DPP4: variants seen among roughly 807,000 people sequenced by gnomAD.
The protein encoded by DPP4 is dipeptidyl peptidase 4, also known as ADCP-2.
In DPP4, 93 loss-of-function variants were observed where a neutral mutation model predicts 122.4. The ratio of observed to expected loss-of-function variants is 0.76; its 90% CI spans 0.64 to 0.90. DPP4 has a LOEUF of 0.90. Among genes scored for constraint, DPP4 ranks in the 40% least tolerant of loss-of-function variants. The pLI, the probability that DPP4 is intolerant of heterozygous loss-of-function variation, is 0.00. For synonymous variants in DPP4, 321 were observed against 302.9 expected (o/e 1.06, Z -0.62); for missense variants, 914 against 907.3 (o/e 1.01, Z -0.09).
At chr2:162,033,430 G>A (rs190429727) in intron 10 of DPP4, 111 bp downstream of exon 10, 43 of 680,942 alleles carry the variant, frequency 6.3e-5, no homozygotes, top group African/African-American at 3.7e-4. Context: ...GACTGTCAGC[G>A]GGGATGACAC....
At chr2:162,045,369 T>G (rs757647432) in intron 5 of DPP4, among the ~76,000 whole-genome samples, 163 bp downstream of exon 5, 3 of 152,208 alleles carry the variant, frequency 2.0e-5, no homozygotes, top group Non-Finnish European at 2.9e-5. Context: ...AACACTGAAC[T>G]TGTCTTTAAG....
At chr2:162,043,119 CA>C (rs949263999) in intron 5 of DPP4, among the ~76,000 whole-genome samples, 34 of 152,164 alleles carry the variant, frequency 2.2e-4, no homozygotes, top group African/African-American at 8.2e-4. Flanking sequence ...ATGGAATCTC[CA>C]GGAGGCCCAC....
At chr2:162,020,395 A>G in intron 13 of DPP4, 99 bp from the exon 14 acceptor site, 1 of 1,157,380 alleles carries the variant, frequency 8.6e-7, no homozygotes, top group South Asian at 1.5e-5. Context: ...AGGAATTCAA[A>G]TAACCTTGGA....
intron 5 of DPP4, among the ~76,000 whole-genome samples, chr2:162,043,265 G>C (rs189986383): frequency 6.6e-6 from 1 of 152,296 alleles, no homozygotes; most frequent in South Asian, 2.1e-4. Context: ...AAGCGGGTAG[G>C]AGATGTGTTC....
intron 16 of DPP4, 127 bp from the exon 17 acceptor site, chr2:162,017,282 A>G: frequency 1.3e-6 from 1 of 769,120 alleles, no homozygotes; most frequent in Non-Finnish European, 2.1e-6. Context: ...ATTATAATGC[A>G]TAAGAAGTTT....
At chr2:162,062,931 C>G (rs1684829110) in intron 2 of DPP4, among the ~76,000 whole-genome samples, 1 of 151,850 alleles carries the variant, frequency 6.6e-6, no homozygotes, top group Non-Finnish European at 1.5e-5. Context: ...CCTTAGCATT[C>G]TGCCTACCAC....
At chr2:162,020,148 A>T in intron 14 of DPP4, 81 bp downstream of exon 14, 4 of 1,177,672 alleles carry the variant, frequency 3.4e-6, no homozygotes, top group Non-Finnish European at 4.9e-6. Context: ...TATTTGTAGG[A>T]GATTTTTTCC....
intron 18 of DPP4, among the ~76,000 whole-genome samples, chr2:162,016,012 T>G (rs1576040926): frequency 6.6e-6 from 1 of 152,214 alleles, no homozygotes; most frequent in East Asian, 1.9e-4. Context: ...ACATTCAGTT[T>G]GAGTAGCACT....
At chr2:162,005,850 A>C in intron 22 of DPP4, 41 bp from the exon 23 acceptor site, 1 of 1,543,176 alleles carries the variant, frequency 6.5e-7, no homozygotes, top group African/African-American at 1.4e-5. Context: ...TAATTCATAC[A>C]ATAACAACTT....
Position 162,039,184 on chromosome 2 carries a change from G to T in DPP4, c.367C>A (p.Gln123Lys). The change falls in exon 6 of 26, where the codon CAA becomes AAA. Residue 123 changes from glutamine to lysine, a missense_variant and splice_region_variant. Transcript: ENST00000360534. ...GAAGCTGTGTAGGAATGCCTCCATT[G>T]CTATGAAAGAAAACAGACATTTCAG... The part of the protein sequence containing the change: ...FILLEYNYVK[Q>K]WRHSYTASYD... 6.2e-7 allele frequency: 1 copy of T among 1,612,122 alleles called. No individual in the cohort carries two copies. Among genetic ancestry groups the T allele is most frequent in the Non-Finnish European group, 8.5e-7 (1 of 1,179,114 alleles).
chr2:162,059,340 C>G (rs765499525), intron 2 of DPP4, among the ~76,000 whole-genome samples: 2 of 152,090 alleles, frequency 1.3e-5, no homozygotes, highest in African/African-American at 4.8e-5. Flanking sequence ...CAAACTAATA[C>G]GTACAGGGCT....
At chr2:162,011,606 T>C (rs1682709432) in intron 20 of DPP4, among the ~76,000 whole-genome samples, 187 bp downstream of exon 20, 1 of 152,110 alleles carries the variant, frequency 6.6e-6, no homozygotes, top group African/African-American at 2.4e-5. Context: ...TTGAACTTCA[T>C]ATCAATCTAT....
chr2:162,017,989 G>A (rs1682984795), intron 16 of DPP4, among the ~76,000 whole-genome samples: 1 of 151,728 alleles, frequency 6.6e-6, no homozygotes, highest in African/African-American at 2.4e-5. Context: ...TGAATATAAA[G>A]CTTTTAGCAC....
chr2:162,022,819 A>G lies in DPP4; in HGVS notation c.1024-20T>C, dbSNP rs1319142337. On this transcript the variant is annotated intron_variant, in intron 11 of 25. Coordinates refer to ENST00000360534, the MANE Select transcript of DPP4 (RefSeq NM_001935.4). Reference sequence around the variant, plus strand: ...CCGTGCCTAGGAAGGGAAAGAGACAATGACAGCATTTCAAAGAGAAGTCAG... The same window carrying G: ...CCGTGCCTAGGAAGGGAAAGAGACAGTGACAGCATTTCAAAGAGAAGTCAG... 3 of 1,613,714 alleles carry G rather than the reference A, an allele frequency of 1.9e-6. No individual in the cohort carries two copies. The East Asian group carries it at 6.7e-5, about 36-fold the overall frequency.
At chr2:162,040,843 AG>A (rs1330557373) in intron 5 of DPP4, among the ~76,000 whole-genome samples, 2 of 151,926 alleles carry the variant, frequency 1.3e-5, no homozygotes, top group Non-Finnish European at 2.9e-5. Context: ...AAAGTGGGGG[AG>A]GGAGGATAAG....
intron 23 of DPP4, among the ~76,000 whole-genome samples, chr2:162,002,282 CAT>C (rs1701169232): frequency 6.6e-6 from 1 of 152,222 alleles, no homozygotes. Flanking sequence ...GATTTAACGA[CAT>C]GTGCTTCTCT....
chr2:162,031,019 C>T (rs554628794), intron 10 of DPP4, among the ~76,000 whole-genome samples: 1 of 152,204 alleles, frequency 6.6e-6, no homozygotes, highest in Non-Finnish European at 1.5e-5. Context: ...GGAAAGACTT[C>T]GTCTCTTTGG....
chr2:162,020,417 G>T, intron 13 of DPP4, 121 bp from the exon 14 acceptor site: 1 of 1,079,548 alleles, frequency 9.3e-7, no homozygotes, highest in Non-Finnish European at 1.3e-6. Context: ...TTTCTTGTTG[G>T]GTTTCCCCAC....
chr2:162,052,179 G>C (rs180733426), intron 2 of DPP4, among the ~76,000 whole-genome samples: 1 of 151,966 alleles, frequency 6.6e-6, no homozygotes, highest in Non-Finnish European at 1.5e-5. Context: ...TTAGCCGGGC[G>C]TGGTGGCACA....
Sources: allele counts gnomAD v4.1 joint callset (sites outside exome capture counted in the v4.1 genomes callset), GRCh38; gene constraint gnomAD v4.1.1; transcripts MANE v1.5; gene names NCBI Gene and HGNC (gene_info 2026-07-23, HGNC 2026-07-21).